The following ZNF721 variants were observed in gnomAD, a reference collection of about 807,000 sequenced individuals.
ZNF721 encodes zinc finger protein 721.
ZNF721 carries 2 observed loss-of-function variants against 2.4 expected under a neutral mutation model. The ratio of observed to expected loss-of-function variants is 0.82; its 90% CI spans 0.34 to 2.58. ZNF721 has a LOEUF of 2.58. Among genes scored for constraint, ZNF721 ranks in the 30% most tolerant of loss-of-function variants. ZNF721 has a pLI of 0.11. For missense variants in ZNF721, 1,187 were observed against 1,085.5 expected (o/e 1.09, Z -1.31); for synonymous variants, 398 against 381.8 (o/e 1.04, Z -0.50).
At chr4:482,706 A>T (rs1169100442) in intron 1 of ZNF721, among the ~76,000 whole-genome samples, 2 of 151,194 alleles carry the variant, frequency 1.3e-5, no homozygotes, top group East Asian at 4.0e-4. Flanking sequence ...CATGTTGGCC[A>T]GGCTGGTCTC....
chr4:467,318 A>G (rs1553866892), intron 2 of ZNF721, among the ~76,000 whole-genome samples: 1 of 152,234 alleles, frequency 6.6e-6, no homozygotes, highest in Non-Finnish European at 1.5e-5. Context: ...CGGATCATAC[A>G]ATAAGGATAA....
At chr4:488,899 T>C (rs1715960048) in intron 1 of ZNF721, among the ~76,000 whole-genome samples, 1 of 151,506 alleles carries the variant, frequency 6.6e-6, no homozygotes, top group Non-Finnish European at 1.5e-5. Context: ...AGTCAGAGGC[T>C]GGTTAGGAAG....
chr4:484,340 G>C (rs1258044612), intron 1 of ZNF721, among the ~76,000 whole-genome samples: 1 of 152,162 alleles, frequency 6.6e-6, no homozygotes, highest in African/African-American at 2.4e-5. Context: ...TACAGCATGT[G>C]TGTTTGAGCA....
chr4:483,415 G>A (rs1715818503), intron 1 of ZNF721, among the ~76,000 whole-genome samples: 1 of 152,070 alleles, frequency 6.6e-6, no homozygotes, highest in South Asian at 2.1e-4. Context: ...AGCTGGGCAT[G>A]GTGGTGAGTG....
At position 443,663 on chromosome 4, in the gene ZNF721, C is replaced by G; in HGVS notation, c.804G>C (p.Lys268Asn). ...ISSSSSFAKH[K>N]RIHTGEKPFK... ...AGGGTTTCTCGCCAGTATGAATCCTCTTATGTTTAGCAAAGCTTGAGGATG... is the reference window on the plus strand; with the variant it reads ...AGGGTTTCTCGCCAGTATGAATCCTGTTATGTTTAGCAAAGCTTGAGGATG... Residue 268 changes from lysine (K) to asparagine (N), a missense_variant, in exon 3 of 3, where the codon AAG (lysine) becomes AAC (asparagine). Lys to Asn is a moderately conservative substitution (Grantham distance 94). Transcript: ENST00000511833. 2 of 1,614,038 alleles carry G rather than the reference C, an allele frequency of 1.2e-6. No individual in the cohort carries two copies. Among genetic ancestry groups the G allele is most frequent in the Admixed American group, 1.7e-5 (1 of 60,014 alleles).
intron 2 of ZNF721, among the ~76,000 whole-genome samples, chr4:456,765 G>C (rs906987137): frequency 2.0e-5 from 3 of 152,162 alleles, no homozygotes; most frequent in African/African-American, 7.2e-5. Context: ...TGTAGTACCA[G>C]CTACTTGGGA....
At chr4:495,788 G>C (rs1553872137) in intron 1 of ZNF721, among the ~76,000 whole-genome samples, 2 of 151,992 alleles carry the variant, frequency 1.3e-5, no homozygotes, top group African/African-American at 4.8e-5. Context: ...ATTTTTAGTG[G>C]AGACGGGGTT....
chr4:447,040 TGCAGG>T (rs1160823555), intron 2 of ZNF721, among the ~76,000 whole-genome samples: 1 of 152,152 alleles, frequency 6.6e-6, no homozygotes, highest in Non-Finnish European at 1.5e-5. Flanking sequence ...TATATTATTT[TGCAGG>T]GCACAGTGGC....
intron 2 of ZNF721, among the ~76,000 whole-genome samples, chr4:450,521 A>G (rs1377828659): frequency 2.6e-5 from 4 of 152,200 alleles, no homozygotes; most frequent in Non-Finnish European, 5.9e-5. Context: ...GTTTTTGAAT[A>G]TAACATCAAA....
chr4:478,270 T>C (rs190496029), intron 1 of ZNF721, among the ~76,000 whole-genome samples: 71 of 152,308 alleles, frequency 4.7e-4, no homozygotes, highest in African/African-American at 1.7e-3. Flanking sequence ...CAAACACCAT[T>C]CTACTTTCTG....
At chr4:458,927 G>A (rs534197999) in intron 2 of ZNF721, among the ~76,000 whole-genome samples, 1 of 152,244 alleles carries the variant, frequency 6.6e-6, no homozygotes, top group Admixed American at 6.5e-5. Flanking sequence ...TACCCACAAA[G>A]GGAAGCCCAT....
At chr4:451,840 G>A (rs1714676018) in intron 2 of ZNF721, among the ~76,000 whole-genome samples, 1 of 152,158 alleles carries the variant, frequency 6.6e-6, no homozygotes, top group South Asian at 2.1e-4. Context: ...CATATCCTGG[G>A]ATGGGAACTC....
At chr4:492,612 GTTTT>G (rs544900364) in intron 1 of ZNF721, among the ~76,000 whole-genome samples, 2 of 139,258 alleles carry the variant, frequency 1.4e-5, no homozygotes, top group Non-Finnish European at 3.1e-5. Flanking sequence ...AAAGTTTTGG[GTTTT>G]TTTTTTTTTC....
At position 443,708 on chromosome 4, in the gene ZNF721, T is replaced by C; in HGVS notation, c.759A>G (p.Glu253=). The C allele has an allele frequency of 6.2e-7, 1 of 1,614,056 alleles. No individual in the cohort carries two copies. Among genetic ancestry groups the C allele is most frequent in the East Asian group, 2.2e-5 (1 of 44,862 alleles). Residue 253 remains glutamate, a synonymous_variant, in exon 3 of 3, where the codon GAA becomes GAG. Coordinates refer to ENST00000511833, the MANE Select transcript of ZNF721 (RefSeq NM_133474.4). ...AGGATGAGGAAATGACTTTGCCACA[T>C]TCCTTACATTTGTAGGGTTTCTCTC... ...HTGEKPYKCK[E]CGKVISSSSS...
At chr4:461,524 C>A (rs539453941) in intron 2 of ZNF721, among the ~76,000 whole-genome samples, 1 of 152,284 alleles carries the variant, frequency 6.6e-6, no homozygotes, top group Non-Finnish European at 1.5e-5. Context: ...TGGAAGCATT[C>A]CCTTTGAAAA....
intron 1 of ZNF721, chr4:473,969 C>T: frequency 6.6e-7 from 1 of 1,507,646 alleles, no homozygotes; most frequent in Non-Finnish European, 9.0e-7. Flanking sequence ...ACGCCCTGCC[C>T]CGCACACTCA....
At chr4:495,073 G>A (rs954013837) in intron 1 of ZNF721, among the ~76,000 whole-genome samples, 3 of 151,920 alleles carry the variant, frequency 2.0e-5, no homozygotes, top group South Asian at 2.1e-4. Context: ...TAATAGAGAC[G>A]AGGTTTCACT....
At chr4:484,548 G>A (rs1295912135) in intron 1 of ZNF721, among the ~76,000 whole-genome samples, 4 of 152,168 alleles carry the variant, frequency 2.6e-5, no homozygotes, top group Non-Finnish European at 4.4e-5. Flanking sequence ...GAGAATACAC[G>A]CCTGGAGGTA....
chr4:445,610 C>A (rs1313313121), intron 2 of ZNF721, among the ~76,000 whole-genome samples: 1 of 151,876 alleles, frequency 6.6e-6, no homozygotes, highest in African/African-American at 2.4e-5. Context: ...AATCAGTTAA[C>A]TGAAAACACA....
Sources: gnomAD v4.1 joint callset for allele counts (sites outside exome capture counted in the v4.1 genomes callset) on GRCh38, gnomAD v4.1.1 for gene constraint, MANE v1.5 for transcripts, NCBI Gene and HGNC (gene_info 2026-07-23, HGNC 2026-07-21) for gene names.